The following RASGRF2 variants were observed in gnomAD, a reference collection of about 807,000 sequenced individuals.
The protein encoded by RASGRF2 is ras-specific guanine nucleotide-releasing factor 2.
In RASGRF2, 76 loss-of-function variants were observed where a neutral mutation model predicts 151.0. The ratio of observed to expected loss-of-function variants is 0.50; its 90% CI spans 0.42 to 0.61. RASGRF2 has a LOEUF of 0.61. Among genes scored for constraint, RASGRF2 ranks in the 20% least tolerant of loss-of-function variants. RASGRF2 has a pLI of 0.00. For missense variants in RASGRF2, 1,148 were observed against 1,564.6 expected (o/e 0.73, Z 4.49); for synonymous variants, 504 against 566.5 (o/e 0.89, Z 1.57).
At chr5:81,010,368 G>A (rs995151358) in intron 1 of RASGRF2, among the ~76,000 whole-genome samples, 6 of 152,148 alleles carry the variant, frequency 3.9e-5, no homozygotes, top group Admixed American at 2.0e-4. Flanking sequence ...GTGGACAGAA[G>A]CCATGGTATT....
intron 18 of RASGRF2, chr5:81,183,102 G>C (rs1213482609): frequency 1.2e-6 from 1 of 842,152 alleles, no homozygotes; most frequent in African/African-American, 1.8e-5. Context: ...TAAAAAATGA[G>C]TAGGAAGTTG....
At chr5:81,146,532 G>A (rs1391420907) in intron 17 of RASGRF2, among the ~76,000 whole-genome samples, 1 of 152,090 alleles carries the variant, frequency 6.6e-6, no homozygotes, top group East Asian at 1.9e-4. Context: ...AGGAAAACAG[G>A]TGGTCTGTAT....
At chr5:81,146,661 T>G (rs1419743743) in intron 17 of RASGRF2, among the ~76,000 whole-genome samples, 1 of 152,086 alleles carries the variant, frequency 6.6e-6, no homozygotes, top group Non-Finnish European at 1.5e-5. Context: ...ATTCTAAAAT[T>G]TGTCGGGGTG....
intron 17 of RASGRF2, among the ~76,000 whole-genome samples, chr5:81,156,473 C>T (rs989652851): frequency 6.6e-6 from 1 of 152,138 alleles, no homozygotes; most frequent in African/African-American, 2.4e-5. Context: ...CAAACCAAAT[C>T]CAGCAACTTA....
chr5:81,196,763 A>T (rs1199713022), intron 18 of RASGRF2, among the ~76,000 whole-genome samples: 1 of 152,174 alleles, frequency 6.6e-6, no homozygotes, highest in Non-Finnish European at 1.5e-5. Flanking sequence ...TGATAATCAG[A>T]TTATTTGTAT....
rs1012211773 is a variant in RASGRF2 at position 81,227,299 on chromosome 5, A to G, written c.*1529A>G. Reference sequence around the variant, plus strand: ...TGGTAATGCACCATAGAGGTAGAGAATGTACACTTTCTGCACGGTAAGTGC... The same window carrying G: ...TGGTAATGCACCATAGAGGTAGAGAGTGTACACTTTCTGCACGGTAAGTGC... On this transcript the variant is annotated 3_prime_UTR_variant, in exon 27 of 27. Coordinates refer to ENST00000265080, the MANE Select transcript of RASGRF2 (RefSeq NM_006909.3). The G allele has an allele frequency of 6.6e-6, 1 of 152,236 alleles. No homozygotes were observed. Among genetic ancestry groups the G allele is most frequent in the Non-Finnish European group, 1.5e-5 (1 of 68,038 alleles). The allele number at this position is 152,236 out of a possible 1,614,324, so 9.4% of individuals were successfully genotyped here. A position where few individuals can be genotyped will look rare whatever the true frequency, so the allele number is the denominator to read the frequency against.
At chr5:80,973,957 G>C (rs757191635) in intron 1 of RASGRF2, among the ~76,000 whole-genome samples, 3 of 152,182 alleles carry the variant, frequency 2.0e-5, no homozygotes, top group Admixed American at 6.5e-5. Flanking sequence ...AGCATTGATA[G>C]CCCTGAGAGG....
intron 16 of RASGRF2, among the ~76,000 whole-genome samples, chr5:81,126,263 G>A (rs1290944025): frequency 1.3e-5 from 2 of 152,128 alleles, no homozygotes; most frequent in African/African-American, 4.8e-5. Flanking sequence ...ATTTTAAAAG[G>A]GCCACACTTA....
chr5:81,195,558 AT>A lies in RASGRF2; in HGVS notation c.2794-5762del, dbSNP rs199748417. The stretch of plus-strand genomic sequence containing the variant: ...ATCTAGATTTCTTTTACTTCTTGAG[AT>A]TTTTTTTTTGTGACCTTTTTTTTTT... On this transcript the variant is annotated intron_variant, in intron 18 of 26. Coordinates refer to ENST00000265080, the MANE Select transcript of RASGRF2 (RefSeq NM_006909.3). 3.3e-4 allele frequency among the ~76,000 whole-genome samples: 46 copies of A among 140,664 alleles called. 1 individual carries two copies. Among genetic ancestry groups the A allele is most frequent in the Middle Eastern group, 7.4e-3 (2 of 270 alleles). 92.3% of individuals were successfully genotyped at this position (140,664 alleles called of 152,430 possible). A position where few individuals can be genotyped will look rare whatever the true frequency, so the allele number is the denominator to read the frequency against.
rs189906599 is a variant in RASGRF2 at position 81,031,631 on chromosome 5, C to G, written c.289-11246C>G. 1.8e-3 allele frequency among the ~76,000 whole-genome samples: 275 copies of G among 152,294 alleles called. 2 individuals carry two copies. The highest frequency in any genetic ancestry group is 3.4e-3 in the Middle Eastern group (1 of 294). Reference sequence around the variant, plus strand: ...ACAAAGACACCACATACCCAAATCTCTGGGACACATTTAAAGCAGTGTGTA... The same window carrying G: ...ACAAAGACACCACATACCCAAATCTGTGGGACACATTTAAAGCAGTGTGTA... On this transcript the variant is annotated intron_variant, in intron 1 of 26. Transcript: ENST00000265080.
In RASGRF2 at chr5:81,227,005, T is replaced by TC. The variant is rs1229903755; in HGVS notation, c.*1235_*1236insC. On this transcript the variant is annotated 3_prime_UTR_variant, in exon 27 of 27. Transcript: ENST00000265080. The stretch of plus-strand genomic sequence containing the variant: ...CCAAGATTGTCAGTTGTTGAAGAAA[T>TC]AGGGCTATCTCATTGTTTACCTCCC... 2 of 152,204 alleles carry TC rather than the reference T, an allele frequency of 1.3e-5. No homozygotes were observed. The highest frequency in any genetic ancestry group is 2.9e-5 in the Non-Finnish European group (2 of 68,022). 9.4% of individuals were successfully genotyped at this position (152,204 alleles called of 1,614,324 possible).
intron 5 of RASGRF2, among the ~76,000 whole-genome samples, chr5:81,078,950 A>G (rs2112474783): frequency 6.6e-6 from 1 of 152,312 alleles, no homozygotes; most frequent in South Asian, 2.1e-4. Context: ...CTGCTGCCAC[A>G]GATGCCTCTC....
Position 81,123,760 on chromosome 5 carries a change from G to A in RASGRF2, c.2589G>A (p.Gln863=). Residue 863 remains glutamine (Q), a synonymous_variant, in exon 16 of 27, where the codon CAG becomes CAA. Transcript: ENST00000265080. The stretch of plus-strand genomic sequence containing the variant: ...CTCCTCGGCACCTCCGCTATCGACA[G>A]CCTGGAGGTAAGAGCTCAAGAGGGA... ...PSTPRHLRYR[Q]PGGQTADNAH... is the part of the protein sequence containing the mutation. The A allele has an allele frequency of 6.2e-7, 1 of 1,613,612 alleles. No individual in the cohort carries two copies. Among genetic ancestry groups the A allele is most frequent in the South Asian group, 1.1e-5 (1 of 90,998 alleles).
chr5:81,220,146 C>T (rs886317896), intron 26 of RASGRF2, among the ~76,000 whole-genome samples: 1 of 152,100 alleles, frequency 6.6e-6, no homozygotes, highest in Non-Finnish European at 1.5e-5. Context: ...GGATTATTTT[C>T]TCCCTTACAT....
At chr5:81,020,864 C>T (rs1749801697) in intron 1 of RASGRF2, among the ~76,000 whole-genome samples, 1 of 152,212 alleles carries the variant, frequency 6.6e-6, no homozygotes, top group African/African-American at 2.4e-5. Context: ...GTCAGCTGCA[C>T]TCAGTCCTAC....
chr5:81,035,879 G>A (rs1372428942), intron 1 of RASGRF2, among the ~76,000 whole-genome samples: 1 of 152,120 alleles, frequency 6.6e-6, no homozygotes. Context: ...GATTGTGGCT[G>A]AGAACTCAAG....
chr5:80,973,798 A>G (rs764849734), intron 1 of RASGRF2, among the ~76,000 whole-genome samples: 3 of 152,232 alleles, frequency 2.0e-5, no homozygotes, highest in Non-Finnish European at 4.4e-5. Context: ...GTACCTTACT[A>G]AAGTGTATGG....
At chr5:81,141,655 A>T (rs1300722384) in intron 17 of RASGRF2, among the ~76,000 whole-genome samples, 1 of 152,242 alleles carries the variant, frequency 6.6e-6, no homozygotes, top group East Asian at 1.9e-4. Context: ...CTTTCTCTGC[A>T]GCACGTCCAT....
At chr5:81,129,087 C>T (rs775271592) in intron 17 of RASGRF2, among the ~76,000 whole-genome samples, 5 of 152,072 alleles carry the variant, frequency 3.3e-5, no homozygotes, top group African/African-American at 4.8e-5. Flanking sequence ...TGCAGTGAGC[C>T]GAGATCATCC....
Sources: gnomAD v4.1 joint callset for allele counts (sites outside exome capture counted in the v4.1 genomes callset) on GRCh38, gnomAD v4.1.1 for gene constraint, MANE v1.5 for transcripts, NCBI Gene and HGNC (gene_info 2026-07-23, HGNC 2026-07-21) for gene names.